GALNT17: variants seen among roughly 807,000 people sequenced by gnomAD.
GALNT17 encodes UDP-GalNAc:polypeptide N-acetylgalactosaminyltransferase-like 3.
In GALNT17, 29 loss-of-function variants were observed where a neutral mutation model predicts 63.7. That is an observed-to-expected ratio of 0.46 (90% CI 0.34 to 0.62). GALNT17 has a LOEUF of 0.62. Ranked by LOEUF, GALNT17 falls within the 20% of genes least tolerant of loss-of-function variation. GALNT17 has a pLI of 0.01. For synonymous variants in GALNT17, 305 were observed against 318.3 expected (o/e 0.96, Z 0.45); for missense variants, 603 against 799.6 (o/e 0.75, Z 2.97).
intron 6 of GALNT17, among the ~76,000 whole-genome samples, chr7:71,602,088 T>G (rs566049469): frequency 2.1e-4 from 32 of 152,334 alleles, no homozygotes; most frequent in African/African-American, 7.2e-4. Flanking sequence ...TGCTCCCGAC[T>G]TCCCCCGGGG....
chr7:71,220,692 G>A (rs1235928920), intron 1 of GALNT17, among the ~76,000 whole-genome samples: 1 of 152,090 alleles, frequency 6.6e-6, no homozygotes, highest in Non-Finnish European at 1.5e-5. Flanking sequence ...AATCCAATAT[G>A]CCTGGTGTCC....
rs186632037 is a variant in GALNT17, at chr7:71,378,230, G to A, written c.423-10005G>A. On this transcript the variant is annotated intron_variant, in intron 2 of 10. Transcript: ENST00000333538. ...TGTTGCTTCCTGGAAGAACTGCAGA[G>A]CTCAACTGGAGGAAATTAAACCACT... Among the ~76,000 whole-genome samples, 142 of 152,262 alleles carry A rather than the reference G, an allele frequency of 9.3e-4. 1 individual carries two copies. The highest frequency in any genetic ancestry group is 3.3e-3 in the African/African-American group (139 of 41,552).
intron 1 of GALNT17, among the ~76,000 whole-genome samples, chr7:71,154,106 G>A (rs1788185041): frequency 6.6e-6 from 1 of 152,074 alleles, no homozygotes; most frequent in Non-Finnish European, 1.5e-5. Context: ...GATCAAAAAG[G>A]GTGAGGGAGC....
chr7:71,230,795 G>A (rs1789773994), intron 1 of GALNT17, among the ~76,000 whole-genome samples: 1 of 152,136 alleles, frequency 6.6e-6, no homozygotes, highest in African/African-American at 2.4e-5. Flanking sequence ...GCATGCTGGG[G>A]AGTCCGCCTT....
intron 2 of GALNT17, among the ~76,000 whole-genome samples, chr7:71,351,987 C>T (rs1792197315): frequency 6.6e-6 from 1 of 152,056 alleles, no homozygotes; most frequent in African/African-American, 2.4e-5. Context: ...GATAGTGATT[C>T]CGACTAGGGT....
At chr7:71,237,525 A>G (rs563426566) in intron 1 of GALNT17, among the ~76,000 whole-genome samples, 4 of 150,642 alleles carry the variant, frequency 2.7e-5, no homozygotes, top group South Asian at 2.1e-4. Context: ...AAAAAAAAAA[A>G]AAAAAAAGAA....
At chr7:71,314,850 G>A (rs943976544) in intron 1 of GALNT17, among the ~76,000 whole-genome samples, 2 of 152,132 alleles carry the variant, frequency 1.3e-5, no homozygotes, top group African/African-American at 4.8e-5. Flanking sequence ...GGACTGCACT[G>A]AGCCATGATT....
At chr7:71,521,836 C>G (rs765003273) in intron 5 of GALNT17, among the ~76,000 whole-genome samples, 17 of 152,132 alleles carry the variant, frequency 1.1e-4, no homozygotes, top group Non-Finnish European at 2.4e-4. Flanking sequence ...AACAGATGGT[C>G]TGTATTAAAA....
At chr7:71,397,944 GTTGTT>G (rs1793169442) in intron 3 of GALNT17, among the ~76,000 whole-genome samples, 1 of 8,452 alleles carries the variant, frequency 1.2e-4, no homozygotes, top group African/African-American at 4.1e-4. Context: ...TATTGTCTTT[GTTGTT>G]GTTGTTGTTG....
Position 71,176,026 on chromosome 7 carries a change from T to C in GALNT17, c.238+42986T>C, listed in dbSNP as rs557276711. On this transcript the variant is annotated intron_variant, in intron 1 of 10. Coordinates refer to ENST00000333538, the MANE Select transcript of GALNT17 (RefSeq NM_022479.3). ...CTCAAATGTGGAGGTCTGTAGTCAT[T>C]TGAAGCCTGTCACTCCCATCTGGCT... 2.6e-5 allele frequency among the ~76,000 whole-genome samples: 4 copies of C among 152,258 alleles called. No individual in the cohort carries two copies. The East Asian group carries it at 7.7e-4, about 29-fold the overall frequency.
At chr7:71,526,914 A>G (rs1016735287) in intron 5 of GALNT17, among the ~76,000 whole-genome samples, 6 of 152,192 alleles carry the variant, frequency 3.9e-5, no homozygotes, top group Non-Finnish European at 7.3e-5. Context: ...CTTCATTTCT[A>G]TGGAGCTGTA....
chr7:71,257,307 G>A (rs942271718), intron 1 of GALNT17, among the ~76,000 whole-genome samples: 6 of 152,130 alleles, frequency 3.9e-5, no homozygotes, highest in Non-Finnish European at 8.8e-5. Flanking sequence ...ATCTGGAACA[G>A]ATTCATGCTT....
intron 5 of GALNT17, among the ~76,000 whole-genome samples, chr7:71,474,111 T>C (rs997150213): frequency 6.6e-6 from 1 of 152,162 alleles, no homozygotes; most frequent in Non-Finnish European, 1.5e-5. Flanking sequence ...TCTTTAGCCA[T>C]ATAGGGTAAC....
chr7:71,440,779 C>G (rs1276056567), intron 5 of GALNT17, among the ~76,000 whole-genome samples: 1 of 152,146 alleles, frequency 6.6e-6, no homozygotes, highest in Non-Finnish European at 1.5e-5. Context: ...AAGATTATCA[C>G]TTGTTCTCAA....
intron 5 of GALNT17, among the ~76,000 whole-genome samples, chr7:71,489,456 G>A (rs1787970700): frequency 6.6e-6 from 1 of 152,188 alleles, no homozygotes; most frequent in African/African-American, 2.4e-5. Flanking sequence ...TGACTTAACT[G>A]TTCTGAGCCT....
chr7:71,556,149 C>A (rs1306677690), intron 5 of GALNT17, among the ~76,000 whole-genome samples: 1 of 152,124 alleles, frequency 6.6e-6, no homozygotes, highest in Non-Finnish European at 1.5e-5. Context: ...CTACTGTAGC[C>A]CTTAAATACG....
chr7:71,170,205 T>G (rs1055670246), intron 1 of GALNT17, among the ~76,000 whole-genome samples: 27 of 152,228 alleles, frequency 1.8e-4, no homozygotes, highest in South Asian at 8.3e-4. Context: ...AATGAATGAA[T>G]GAAAGTGAAT....
intron 6 of GALNT17, among the ~76,000 whole-genome samples, chr7:71,648,374 A>C (rs1407400372): frequency 6.6e-6 from 1 of 151,696 alleles, no homozygotes; most frequent in Non-Finnish European, 1.5e-5. Context: ...GGGATCAAAC[A>C]ATTCTCCCGC....
chr7:71,282,271 T>C (rs762216391), intron 1 of GALNT17, among the ~76,000 whole-genome samples: 11 of 152,206 alleles, frequency 7.2e-5, no homozygotes, highest in South Asian at 2.1e-4. Flanking sequence ...CAGCCCACCT[T>C]ATTTCCAGTG....
Sources: allele counts gnomAD v4.1 joint callset (sites outside exome capture counted in the v4.1 genomes callset), GRCh38; gene constraint gnomAD v4.1.1; transcripts MANE v1.5; gene names NCBI Gene and HGNC (gene_info 2026-07-23, HGNC 2026-07-21).